Variants in HSD17B12 observed in about 807,000 individuals in gnomAD.
HSD17B12 encodes hydroxysteroid 17-beta dehydrogenase 12.
A neutral mutation model predicts 39.3 loss-of-function variants in HSD17B12; 32 were observed. That is an observed-to-expected ratio of 0.81 (90% CI 0.61 to 1.09). HSD17B12 has a LOEUF of 1.09. Ranked by LOEUF, HSD17B12 falls within the 50% of genes least tolerant of loss-of-function variation. The pLI is 0.00. For missense variants in HSD17B12, 342 were observed against 382.9 expected, an observed-to-expected ratio of 0.89 and a Z score of 0.89; for synonymous variants, 150 against 146.7, an observed-to-expected ratio of 1.02 and a Z score of -0.16.
rs887279762 is a variant in HSD17B12, at chr11:43,735,286, C to G, written c.161-15625C>G. 5.9e-5 allele frequency among the ~76,000 whole-genome samples: 9 copies of G among 152,110 alleles called. 1 individual carries two copies. The highest frequency in any genetic ancestry group is 2.2e-4 in the African/African-American group (9 of 41,408). ...GTTTTCAGTTTTGGGGGCTATATAC[C>G]TAGGAGTGGAATTGCCAGGTCATAT... On this transcript the variant is annotated intron_variant, in intron 1 of 10. Coordinates refer to ENST00000278353, the MANE Select transcript of HSD17B12 (RefSeq NM_016142.3).
intron 6 of HSD17B12, 63 bp downstream of exon 6, chr11:43,816,454 A>G: frequency 2.2e-6 from 3 of 1,391,670 alleles, no homozygotes; most frequent in Middle Eastern, 1.9e-4. Flanking sequence ...AAACACTGAC[A>G]TAATCAGCTT....
the HSD17B12 span, among the ~76,000 whole-genome samples, chr11:43,652,370 C>G: frequency 1.2e-3 from 179 of 152,310 alleles, 1 homozygote; most frequent in Non-Finnish European, 1.9e-3. Context: ...GAGAAGATGT[C>G]TGTTACCAAA....
At chr11:43,820,941 GTAAA>G (rs1951176590) in intron 6 of HSD17B12, among the ~76,000 whole-genome samples, 4 of 152,132 alleles carry the variant, frequency 2.6e-5, no homozygotes, top group African/African-American at 4.8e-5. Context: ...TCAGATGATT[GTAAA>G]AATCACATAA....
intron 1 of HSD17B12, among the ~76,000 whole-genome samples, chr11:43,715,190 C>T (rs1293302038): frequency 1.3e-5 from 2 of 152,164 alleles, no homozygotes; most frequent in East Asian, 3.9e-4. Context: ...AGAGGGCATC[C>T]CTGTCTTGTG....
At position 43,765,857 on chromosome 11, in the gene HSD17B12, G is replaced by A. The variant is rs543978702; in HGVS notation, c.283+11736G>A. On this transcript the variant is annotated intron_variant, in intron 3 of 10. Transcript: ENST00000278353. ...TCTACACCTTTTCTTTTTTTGAGAC[G>A]GAGTCTCACTCTTTTGCCCAGGACG... Among the ~76,000 whole-genome samples, 24 of 151,700 alleles carry A rather than the reference G, an allele frequency of 1.6e-4. No homozygotes were observed. The South Asian group carries it at 3.3e-3, about 21-fold the overall frequency.
At position 43,732,470 on chromosome 11, in the gene HSD17B12, C is replaced by CT. The variant is rs879763586; in HGVS notation, c.161-18428dup. Among the ~76,000 whole-genome samples the CT allele has an allele frequency of 2.7e-3, 384 of 142,488 alleles. 2 individuals are homozygous for CT. The highest frequency in any genetic ancestry group is 4.8e-3 in the Admixed American group (68 of 14,152). The allele number at this position is 142,488 out of a possible 152,430, so 93.5% of individuals were successfully genotyped here. On this transcript the variant is annotated intron_variant, in intron 1 of 10. Transcript: ENST00000278353. ...CTATTGGTTGCAGTCAGCGGTGGAT[C>CT]TTTTTTTTTTTTTAGAGACAGGGCC...
chr11:43,604,115 T>G, the HSD17B12 span, among the ~76,000 whole-genome samples: 1 of 152,192 alleles, frequency 6.6e-6, no homozygotes, highest in Admixed American at 6.5e-5. Flanking sequence ...TTCTTCTTAT[T>G]AATTCCCAGA....
At chr11:43,678,187 T>A (rs956468645), upstream of HSD17B12, among the ~76,000 whole-genome samples, 1 of 77,220 alleles carries the variant, frequency 1.3e-5, no homozygotes, top group African/African-American at 3.6e-5. Context: ...TGGCCAGTGA[T>A]GATGAGCATT....
intron 1 of HSD17B12, among the ~76,000 whole-genome samples, chr11:43,748,022 A>G (rs1950427864): frequency 6.6e-6 from 1 of 152,204 alleles, no homozygotes; most frequent in African/African-American, 2.4e-5. Context: ...AGAGAAAAGG[A>G]AGAGGAGAAA....
chr11:43,706,689 G>GGGGTGTGT (rs1037280801), intron 1 of HSD17B12, among the ~76,000 whole-genome samples: 166 of 137,868 alleles, frequency 1.2e-3, no homozygotes, highest in African/African-American at 4.5e-3. Flanking sequence ...TGAATGAAGG[G>GGGGTGTGT]GTGTGTGTGT....
At chr11:43,815,744 T>C (rs1951116491) in intron 5 of HSD17B12, among the ~76,000 whole-genome samples, 1 of 152,206 alleles carries the variant, frequency 6.6e-6, no homozygotes, top group African/African-American at 2.4e-5. Flanking sequence ...ACCTCACTTA[T>C]ACAGTGCCAG....
chr11:43,847,185 T>C (rs542290415), intron 9 of HSD17B12, among the ~76,000 whole-genome samples: 1 of 152,290 alleles, frequency 6.6e-6, no homozygotes, highest in Non-Finnish European at 1.5e-5. Context: ...TTCCTTCCTT[T>C]GACCTGGGAG....
chr11:43,680,495 T>A, upstream of HSD17B12: 1 of 350,606 alleles, frequency 2.9e-6, no homozygotes, highest in Non-Finnish European at 5.3e-6. Context: ...TCTTCCGCAG[T>A]CGCGAGTACG....
chr11:43,784,898 A>G lies in HSD17B12; in HGVS notation c.284-13422A>G, dbSNP rs115550685. ...GTGAGCAGCATAGTATTTCTTAATA[A>G]CAGAACTTTTTAAACGCCAGACACT... On this transcript the variant is annotated intron_variant, in intron 3 of 10. Transcript: ENST00000278353. Among the ~76,000 whole-genome samples the G allele has an allele frequency of 5.0e-3, 764 of 152,266 alleles. 4 individuals carry two copies. Among genetic ancestry groups the G allele is most frequent in the African/African-American group, 0.018 (740 of 41,544 alleles).
intron 1 of HSD17B12, among the ~76,000 whole-genome samples, chr11:43,698,597 C>T (rs1590669808): frequency 6.6e-6 from 1 of 152,276 alleles, no homozygotes; most frequent in Non-Finnish European, 1.5e-5. Flanking sequence ...ATCTTCCCAC[C>T]TTTGGCACTT....
the HSD17B12 span, among the ~76,000 whole-genome samples, chr11:43,572,483 T>C: frequency 1.3e-5 from 2 of 152,206 alleles, no homozygotes; most frequent in Non-Finnish European, 2.9e-5. Context: ...TGGAGTGATG[T>C]GGCATGAGTA....
chr11:43,665,286 T>C, the HSD17B12 span, among the ~76,000 whole-genome samples: 1,072 of 152,220 alleles, frequency 7.0e-3, 19 homozygotes, highest in East Asian at 0.062. Context: ...TGGTGCGATC[T>C]GGGCCCACTG....
At chr11:43,701,156 C>T (rs531579589) in intron 1 of HSD17B12, among the ~76,000 whole-genome samples, 19 of 152,096 alleles carry the variant, frequency 1.2e-4, no homozygotes, top group Non-Finnish European at 2.5e-4. Context: ...TGTCTATACA[C>T]ATATTCTGCC....
At chr11:43,785,551 T>C (rs1950808182) in intron 3 of HSD17B12, among the ~76,000 whole-genome samples, 1 of 152,184 alleles carries the variant, frequency 6.6e-6, no homozygotes, top group Non-Finnish European at 1.5e-5. Context: ...GCATATCTAC[T>C]TCTGCATTCA....
Sources: allele counts gnomAD v4.1 joint callset (sites outside exome capture counted in the v4.1 genomes callset), GRCh38; gene constraint gnomAD v4.1.1; transcripts MANE v1.5; gene names NCBI Gene and HGNC (gene_info 2026-07-23, HGNC 2026-07-21).